The following SH3PXD2B variants were observed in gnomAD, a reference collection of about 807,000 sequenced individuals.
SH3PXD2B encodes SH3 and PX domains 2B, also known as SH3 and PX domain-containing protein 2B.
In SH3PXD2B, 37 loss-of-function variants were observed where a neutral mutation model predicts 73.1. The ratio of observed to expected loss-of-function variants is 0.51; its 90% CI spans 0.39 to 0.67. SH3PXD2B has a LOEUF of 0.67. Ranked by LOEUF, SH3PXD2B falls within the 30% of genes least tolerant of loss-of-function variation. SH3PXD2B has a pLI of 0.00. For synonymous variants in SH3PXD2B, 457 were observed against 480.5 expected, an observed-to-expected ratio of 0.95 and a Z score of 0.64; for missense variants, 1,053 against 1,197.8, an observed-to-expected ratio of 0.88 and a Z score of 1.78.
At chr5:172,408,620 C>T (rs2113435250) in intron 2 of SH3PXD2B, among the ~76,000 whole-genome samples, 1 of 146,966 alleles carries the variant, frequency 6.8e-6, no homozygotes, top group Non-Finnish European at 1.5e-5. Flanking sequence ...TTCACTGCAA[C>T]CTCCACCTCC....
At chr5:172,402,170 A>G (rs558567366) in intron 3 of SH3PXD2B, among the ~76,000 whole-genome samples, 1 of 152,260 alleles carries the variant, frequency 6.6e-6, no homozygotes, top group South Asian at 2.1e-4. Flanking sequence ...CACTCTGGGA[A>G]CGTCTTGTCT....
At chr5:172,433,052 G>A (rs975623735) in intron 1 of SH3PXD2B, among the ~76,000 whole-genome samples, 2 of 152,050 alleles carry the variant, frequency 1.3e-5, no homozygotes, top group Non-Finnish European at 2.9e-5. Flanking sequence ...ATACAACAGT[G>A]GTTCCGTAAG....
intron 12 of SH3PXD2B, among the ~76,000 whole-genome samples, chr5:172,345,551 G>C: frequency 6.6e-6 from 1 of 152,134 alleles, no homozygotes; most frequent in East Asian, 1.9e-4. Context: ...TCCAAACCCT[G>C]GCCCTAGCTG....
rs754752642 is a variant in SH3PXD2B at position 172,362,725 on chromosome 5, A to G, written c.562+10T>C. ...GGGTAGTGGGAGAGGGAGATGGTCT[A>G]GGTCCCCACCTGACTCATTCTTCTC... On this transcript the variant is annotated intron_variant, in intron 7 of 12. Transcript: ENST00000311601. 6.2e-7 allele frequency: 1 copy of G among 1,614,026 alleles called. No individual in the cohort carries two copies. The highest frequency in any genetic ancestry group is 2.2e-5 in the East Asian group (1 of 44,860).
At chr5:172,436,311 T>C (rs1311355959) in intron 1 of SH3PXD2B, among the ~76,000 whole-genome samples, 1 of 152,204 alleles carries the variant, frequency 6.6e-6, no homozygotes, top group Non-Finnish European at 1.5e-5. Flanking sequence ...GCAGTGCCAC[T>C]TTTGGCTCTT....
At chr5:172,394,686 A>C (rs776717797) in intron 3 of SH3PXD2B, 47 bp from the exon 4 acceptor site, 1 of 1,599,198 alleles carries the variant, frequency 6.3e-7, no homozygotes, top group Non-Finnish European at 8.6e-7. Context: ...AACAGGGACA[A>C]GCTCTCAGCA....
intron 3 of SH3PXD2B, among the ~76,000 whole-genome samples, chr5:172,396,122 G>A (rs746347629): frequency 2.0e-5 from 3 of 150,878 alleles, no homozygotes; most frequent in Non-Finnish European, 4.4e-5. Context: ...GGAGGCCGAG[G>A]TGGGTGGATC....
intron 1 of SH3PXD2B, among the ~76,000 whole-genome samples, chr5:172,432,003 C>T (rs2731681): frequency 0.25 from 37,510 of 151,782 alleles, 5,449 homozygotes; most frequent in Non-Finnish European, 0.33. Context: ...ATGGTGAAAC[C>T]CCATCTCTAC....
intron 3 of SH3PXD2B, among the ~76,000 whole-genome samples, chr5:172,396,684 C>T (rs893846968): frequency 2.0e-5 from 3 of 149,638 alleles, no homozygotes; most frequent in African/African-American, 7.4e-5. Context: ...CGGTGGCTCA[C>T]GCCTGTAATC....
At chr5:172,385,351 T>C (rs536987977) in intron 4 of SH3PXD2B, among the ~76,000 whole-genome samples, 3 of 152,310 alleles carry the variant, frequency 2.0e-5, no homozygotes, top group East Asian at 1.9e-4. Flanking sequence ...TGTTCATCTG[T>C]GTCACTTTAT....
chr5:172,435,873 C>T (rs1759376316), intron 1 of SH3PXD2B, among the ~76,000 whole-genome samples: 1 of 152,192 alleles, frequency 6.6e-6, no homozygotes, highest in South Asian at 2.1e-4. Context: ...GGGGCTGTTT[C>T]CTTGCAGGGG....
In SH3PXD2B at chr5:172,338,573, G is replaced by C. The variant is rs372182821; in HGVS notation, c.2532C>G (p.Val844=). ...ENREKAAAAS[V]PNADGLKDSL... ...AGTCCTTCAGGCCGTCGGCATTGGG[G>C]ACAGAGGCTGCAGCTGCTTTCTCCC... Residue 844 remains valine, a synonymous_variant, in exon 13 of 13, where the codon GTC becomes GTG. Coordinates refer to ENST00000311601, the MANE Select transcript of SH3PXD2B (RefSeq NM_001017995.3). This position sits in a 1 kb window ranked among gnomAD's most constrained non-coding sequence, Gnocchi z 5.1. 1 of 1,614,174 alleles carries C rather than the reference G, an allele frequency of 6.2e-7. No homozygotes were observed. Among genetic ancestry groups the C allele is most frequent in the Non-Finnish European group, 8.5e-7 (1 of 1,180,002 alleles).
At chr5:172,432,180 C>T (rs1759263701) in intron 1 of SH3PXD2B, among the ~76,000 whole-genome samples, 1 of 152,024 alleles carries the variant, frequency 6.6e-6, no homozygotes, top group Non-Finnish European at 1.5e-5. Flanking sequence ...CTCAAACAAA[C>T]AAAGAAATAA....
intron 4 of SH3PXD2B, among the ~76,000 whole-genome samples, chr5:172,390,817 G>T (rs1418283663): frequency 4.8e-5 from 1 of 21,014 alleles, no homozygotes; most frequent in Non-Finnish European, 1.3e-4. Context: ...CCCGTCTTTT[G>T]TGTGTGTGTG....
chr5:172,434,535 C>A (rs976559430), intron 1 of SH3PXD2B, among the ~76,000 whole-genome samples: 2 of 152,206 alleles, frequency 1.3e-5, no homozygotes, highest in African/African-American at 4.8e-5. Context: ...TCTGTGAGCT[C>A]CCAAGTGTTC....
chr5:172,354,223 A>G (rs527412079), intron 8 of SH3PXD2B, among the ~76,000 whole-genome samples: 1 of 152,284 alleles, frequency 6.6e-6, no homozygotes, highest in South Asian at 2.1e-4. Flanking sequence ...CCTCAGCGCC[A>G]CACACTCAGC....
intron 6 of SH3PXD2B, among the ~76,000 whole-genome samples, chr5:172,373,492 A>T (rs182931763): frequency 2.0e-5 from 3 of 152,346 alleles, no homozygotes; most frequent in Admixed American, 2.0e-4. Flanking sequence ...CCAAGTCTCA[A>T]CCACTTGGCA....
chr5:172,443,749 T>A (rs1008773640), intron 1 of SH3PXD2B, among the ~76,000 whole-genome samples: 1 of 152,226 alleles, frequency 6.6e-6, no homozygotes, highest in African/African-American at 2.4e-5. Flanking sequence ...CGCCAACGCG[T>A]GGGTTCTAGC....
intron 1 of SH3PXD2B, among the ~76,000 whole-genome samples, chr5:172,425,677 G>A (rs552019288): frequency 2.4e-4 from 37 of 151,958 alleles, no homozygotes; most frequent in Middle Eastern, 3.4e-3. Context: ...ACAGAGAAGC[G>A]TCTGGATTTC....
Sources: allele counts gnomAD v4.1 joint callset (sites outside exome capture counted in the v4.1 genomes callset), GRCh38; gene constraint gnomAD v4.1.1; non-coding constraint Gnocchi (gnomAD v3.1); transcripts MANE v1.5; gene names NCBI Gene and HGNC (gene_info 2026-07-23, HGNC 2026-07-21).